Variants in CFAP20DC observed in about 807,000 individuals in gnomAD.
The protein encoded by CFAP20DC is protein CFAP20DC.
In CFAP20DC, 84 loss-of-function variants were observed where a neutral mutation model predicts 101.7. The observed-to-expected ratio is 0.83, with a 90% CI of 0.69 to 0.99. The LOEUF (loss-of-function observed/expected upper bound fraction) is 0.99. Ranked by LOEUF, CFAP20DC falls within the 50% of genes least tolerant of loss-of-function variation. CFAP20DC has a pLI of 0.00. For synonymous variants in CFAP20DC, 359 were observed against 351.2 expected (o/e 1.02, Z -0.25); for missense variants, 1,007 against 970.3 (o/e 1.04, Z -0.50).
chr3:58,758,250 T>A (rs957329965), intron 15 of CFAP20DC, among the ~76,000 whole-genome samples: 2 of 152,162 alleles, frequency 1.3e-5, no homozygotes, highest in Non-Finnish European at 2.9e-5. Context: ...CATTTTTATA[T>A]GTGATATTTA....
intron 4 of CFAP20DC, among the ~76,000 whole-genome samples, chr3:58,960,465 C>G (rs2091039347): frequency 6.7e-6 from 1 of 149,714 alleles, no homozygotes; most frequent in Non-Finnish European, 1.5e-5. Context: ...GCACTCCAGC[C>G]TGGGTGACAC....
rs1330432421 is a variant in CFAP20DC, at chr3:58,894,225, GT to G, written c.551-9517del. Among the ~76,000 whole-genome samples the G allele has an allele frequency of 3.9e-5, 6 of 152,156 alleles. No individual in the cohort carries two copies. Among genetic ancestry groups the G allele is most frequent in the African/African-American group, 1.4e-4 (6 of 41,504 alleles). On this transcript the variant is annotated intron_variant, in intron 6 of 16. Transcript: ENST00000482387. This position sits in a 1 kb window ranked among gnomAD's most constrained non-coding sequence, Gnocchi z 4.1. ...CAAAGCCAATTATGCCTTCCCAACAGTCCCCCGAAGTCTTAACTCATTTCAG... is the reference window on the plus strand; with the variant it reads ...CAAAGCCAATTATGCCTTCCCAACAGCCCCCGAAGTCTTAACTCATTTCAG...
intron 14 of CFAP20DC, among the ~76,000 whole-genome samples, chr3:58,818,113 C>A (rs1373787443): frequency 6.7e-6 from 1 of 150,320 alleles, no homozygotes; most frequent in East Asian, 2.0e-4. Flanking sequence ...CACCACCAGG[C>A]CTGCCCTAAA....
In CFAP20DC at chr3:58,781,998, G is replaced by A. The variant is rs181424535; in HGVS notation, c.2237+24397C>T. Among the ~76,000 whole-genome samples the A allele has an allele frequency of 1.6e-4, 25 of 151,910 alleles. No individual in the cohort carries two copies. The East Asian group carries it at 3.1e-3, about 19-fold the overall frequency. ...ATAAGAAAACTAGAGGCCAATATCC[G>A]TGATGAATATAGATGCAAAAATTCT... is the stretch of plus-strand genomic sequence containing the variant. On this transcript the variant is annotated intron_variant, in intron 15 of 16. Coordinates refer to ENST00000482387, the MANE Select transcript of CFAP20DC (RefSeq NM_001394063.1).
At chr3:58,809,426 A>C (rs2074410860) in intron 14 of CFAP20DC, among the ~76,000 whole-genome samples, 1 of 152,182 alleles carries the variant, frequency 6.6e-6, no homozygotes, top group African/African-American at 2.4e-5. Context: ...CTACATGGAA[A>C]CTGAACAACC....
chr3:58,844,441 C>G (rs1269892089), intron 13 of CFAP20DC, among the ~76,000 whole-genome samples: 2 of 139,582 alleles, frequency 1.4e-5, no homozygotes, highest in African/African-American at 3.1e-5. Flanking sequence ...GTAAAGGGAT[C>G]AATTCAACAA....
At chr3:58,873,137 C>G (rs749420925) in intron 7 of CFAP20DC, among the ~76,000 whole-genome samples, 5 of 149,964 alleles carry the variant, frequency 3.3e-5, no homozygotes, top group Non-Finnish European at 7.4e-5. Flanking sequence ...GGTGCTCAAG[C>G]AGAAGTCTGG....
At chr3:58,989,406 G>A (rs373538141) in intron 4 of CFAP20DC, among the ~76,000 whole-genome samples, 3 of 152,078 alleles carry the variant, frequency 2.0e-5, no homozygotes, top group African/African-American at 7.2e-5. Flanking sequence ...TCTTCCTAGA[G>A]TTTCACTGGA....
chr3:59,018,312 G>T (rs2093731588), intron 4 of CFAP20DC: 1 of 152,080 alleles, frequency 6.6e-6, no homozygotes, highest in African/African-American at 2.4e-5. Flanking sequence ...GAATCATCAT[G>T]CTAAACTGGT....
At chr3:58,780,051 T>C (rs1233892263) in intron 15 of CFAP20DC, among the ~76,000 whole-genome samples, 2 of 152,086 alleles carry the variant, frequency 1.3e-5, no homozygotes, top group Non-Finnish European at 2.9e-5. Context: ...GAGAATGGGA[T>C]GATATATTCA....
intron 4 of CFAP20DC, among the ~76,000 whole-genome samples, chr3:58,949,782 G>C (rs944584658): frequency 4.6e-5 from 7 of 152,112 alleles, no homozygotes; most frequent in South Asian, 2.1e-4. Context: ...AAAATAATAA[G>C]AGCTATCTAT....
intron 3 of CFAP20DC, among the ~76,000 whole-genome samples, chr3:58,718,855 A>G (rs1450878712): frequency 6.6e-6 from 1 of 152,208 alleles, no homozygotes; most frequent in East Asian, 1.9e-4. Context: ...CAGAAGGCTA[A>G]TTAATCTGGG....
At chr3:58,720,778 T>C (rs1301556508) in intron 3 of CFAP20DC, among the ~76,000 whole-genome samples, 6 of 152,216 alleles carry the variant, frequency 3.9e-5, no homozygotes, top group Non-Finnish European at 2.9e-5. Flanking sequence ...ACTTAATTAG[T>C]GTACAAGGCA....
rs1358376855 is a variant in CFAP20DC, at chr3:58,868,641, A to G, written c.1015+687T>C. Among the ~76,000 whole-genome samples the G allele has an allele frequency of 2.0e-5, 3 of 152,198 alleles. No homozygotes were observed. The highest frequency in any genetic ancestry group is 6.5e-5 in the Admixed American group (1 of 15,286). ...GACAGGCAGCTAGGGCTGGATTTCT[A>G]TCTATCCATTTCCTTATTTCAGTTT... On this transcript the variant is annotated intron_variant, in intron 9 of 16. Transcript: ENST00000482387. This position sits in a 1 kb window ranked among gnomAD's most constrained non-coding sequence, Gnocchi z 4.6.
At chr3:58,876,047 C>A (rs1413868107) in intron 7 of CFAP20DC, among the ~76,000 whole-genome samples, 4 of 152,018 alleles carry the variant, frequency 2.6e-5, no homozygotes, top group African/African-American at 9.7e-5. Flanking sequence ...GAGTAATCTA[C>A]CACAGTATAT....
At chr3:58,762,497 C>A in intron 15 of CFAP20DC, among the ~76,000 whole-genome samples, 1 of 151,952 alleles carries the variant, frequency 6.6e-6, no homozygotes, top group South Asian at 2.1e-4. Flanking sequence ...ATCCAATTTG[C>A]CAGTCTGTGT....
intron 13 of CFAP20DC, among the ~76,000 whole-genome samples, chr3:58,840,526 A>G (rs1381585945): frequency 4.6e-5 from 7 of 152,196 alleles, no homozygotes; most frequent in Non-Finnish European, 4.4e-5. Flanking sequence ...GAACATGCCA[A>G]TATGTTACCT....
At chr3:59,003,360 A>C (rs1193868929) in intron 4 of CFAP20DC, among the ~76,000 whole-genome samples, 1 of 152,182 alleles carries the variant, frequency 6.6e-6, no homozygotes, top group Admixed American at 6.5e-5. Flanking sequence ...CACAGACTTA[A>C]TATCTGGCAA....
chr3:58,870,865 G>C (rs1357844781), intron 7 of CFAP20DC, among the ~76,000 whole-genome samples: 27 of 126,952 alleles, frequency 2.1e-4, no homozygotes, highest in Non-Finnish European at 3.3e-4. Context: ...TCCGCAGTCC[G>C]GCCTGGGCGA....
Sources: gnomAD v4.1 joint callset for allele counts (sites outside exome capture counted in the v4.1 genomes callset) on GRCh38, gnomAD v4.1.1 for gene constraint, Gnocchi (gnomAD v3.1) non-coding constraint, MANE v1.5 for transcripts, NCBI Gene and HGNC (gene_info 2026-07-23, HGNC 2026-07-21) for gene names.